PTCHD4: variants seen among roughly 807,000 people sequenced by gnomAD.
PTCHD4 encodes patched domain containing 4, also known as patched domain-containing protein 4.
Under a neutral mutation model 58.1 loss-of-function variants are expected in PTCHD4, and 33 were observed. The observed-to-expected ratio is 0.57, with a 90% confidence interval of 0.43 to 0.76. PTCHD4 has a LOEUF of 0.76. Ranked by LOEUF, PTCHD4 falls within the 30% of genes least tolerant of loss-of-function variation. PTCHD4 has a pLI of 0.00. For synonymous variants in PTCHD4, 478 were observed against 409.6 expected (o/e 1.17, Z -2.02); for missense variants, 1,058 against 1,027.1 (o/e 1.03, Z -0.41).
At chr6:48,076,162 A>T (rs1490302976) in intron 1 of PTCHD4, among the ~76,000 whole-genome samples, 2 of 152,216 alleles carry the variant, frequency 1.3e-5, no homozygotes, top group African/African-American at 4.8e-5. Context: ...TTCTTTGCTC[A>T]TCTATAGGAA....
rs982561495 is a variant in PTCHD4, at chr6:47,876,642, G to A, written c.*1661C>T. Among the ~76,000 whole-genome samples the A allele has an allele frequency of 6.6e-6, 1 of 151,906 alleles. No homozygotes were observed. Among genetic ancestry groups the A allele is most frequent in the African/African-American group, 2.4e-5 (1 of 41,388 alleles). On this transcript the variant is annotated 3_prime_UTR_variant, in exon 5 of 5. Transcript: ENST00000339488. ...TTAAAACATAGAACCAAAGTTGATG[G>A]GAAGTAGTAGCTTTCTTCTAGGTAA...
intron 4 of PTCHD4, among the ~76,000 whole-genome samples, chr6:48,002,766 A>G (rs1278275875): frequency 1.1e-4 from 16 of 151,542 alleles, no homozygotes; most frequent in Admixed American, 9.9e-4. Flanking sequence ...TAATAATAAT[A>G]ATAATAATAA....
intron 3 of PTCHD4, among the ~76,000 whole-genome samples, chr6:48,067,719 C>A (rs1226359594): frequency 6.6e-6 from 1 of 152,278 alleles, no homozygotes; most frequent in Non-Finnish European, 1.5e-5. Flanking sequence ...AGAAATCCCA[C>A]AAATTGTTGA....
chr6:47,929,646 C>G (rs1388476650), intron 4 of PTCHD4, among the ~76,000 whole-genome samples: 1 of 152,220 alleles, frequency 6.6e-6, no homozygotes, highest in East Asian at 1.9e-4. Context: ...CAGAGAGGAA[C>G]TCCAGGCTGC....
intron 4 of PTCHD4, among the ~76,000 whole-genome samples, chr6:47,966,836 T>C (rs1767314261): frequency 6.6e-6 from 1 of 152,220 alleles, no homozygotes; most frequent in Non-Finnish European, 1.5e-5. Context: ...CTTCTAATTC[T>C]AGTTGTCTTG....
Position 48,068,731 on chromosome 6 carries a change from C to T in PTCHD4, c.6-90G>A. On this transcript the variant is annotated intron_variant, in intron 2 of 4. Transcript: ENST00000339488. This position sits in a 1 kb window ranked among gnomAD's most constrained non-coding sequence, Gnocchi z 4.2. ...GGGGCCAGTCCCCCCTCCCCACCGC[C>T]GCCGCCTCCCCACCCACTCCGCGCT... is the stretch of plus-strand genomic sequence containing the variant. The T allele has an allele frequency of 7.7e-7, 1 of 1,302,684 alleles. No individual in the cohort carries two copies. 80.7% of individuals were successfully genotyped at this position (1,302,684 alleles called of 1,614,324 possible). A position where few individuals can be genotyped will look rare whatever the true frequency, so the allele number is the denominator to read the frequency against.
chr6:48,054,185 T>G (rs1381978443), intron 3 of PTCHD4, among the ~76,000 whole-genome samples: 1 of 152,164 alleles, frequency 6.6e-6, no homozygotes, highest in Admixed American at 6.6e-5. Context: ...CTGAAGTGTT[T>G]CTTTGAAGAA....
intron 4 of PTCHD4, among the ~76,000 whole-genome samples, chr6:48,003,805 C>A (rs1016022998): frequency 1.3e-5 from 2 of 152,164 alleles, no homozygotes; most frequent in East Asian, 1.9e-4. Flanking sequence ...AGACTCTGAT[C>A]CAGACATATT....
chr6:48,003,516 C>T (rs1435426665), intron 4 of PTCHD4, among the ~76,000 whole-genome samples: 2 of 152,148 alleles, frequency 1.3e-5, no homozygotes, highest in East Asian at 3.8e-4. Flanking sequence ...CTTTTTATCA[C>T]CATCCCTGCT....
At chr6:48,039,318 T>C (rs1763759286) in intron 3 of PTCHD4, among the ~76,000 whole-genome samples, 1 of 152,140 alleles carries the variant, frequency 6.6e-6, no homozygotes, top group South Asian at 2.1e-4. Flanking sequence ...TCCATTTATA[T>C]AATGTTCAAA....
intron 1 of PTCHD4, among the ~76,000 whole-genome samples, chr6:48,094,216 T>C (rs1765418787): frequency 6.6e-6 from 1 of 151,950 alleles, no homozygotes; most frequent in Non-Finnish European, 1.5e-5. Flanking sequence ...CTCTGAAAAA[T>C]AAAGGCACAA....
intron 4 of PTCHD4, among the ~76,000 whole-genome samples, chr6:47,917,479 C>T (rs924270135): frequency 2.5e-4 from 38 of 152,238 alleles, no homozygotes; most frequent in African/African-American, 7.9e-4. Flanking sequence ...AACACAAGGA[C>T]ACTATAAACC....
intron 1 of PTCHD4, among the ~76,000 whole-genome samples, chr6:48,097,339 C>G (rs915538402): frequency 3.3e-5 from 5 of 152,108 alleles, no homozygotes; most frequent in Non-Finnish European, 7.4e-5. Context: ...TTTTATGTCA[C>G]TTAGTTTAAT....
intron 4 of PTCHD4, among the ~76,000 whole-genome samples, chr6:47,958,176 G>A (rs559586796): frequency 1.3e-5 from 2 of 152,180 alleles, no homozygotes; most frequent in South Asian, 4.2e-4. Flanking sequence ...TAATGTTGAG[G>A]AAATATATGT....
intron 1 of PTCHD4, among the ~76,000 whole-genome samples, chr6:48,097,016 T>C (rs892538272): frequency 1.3e-5 from 2 of 152,194 alleles, no homozygotes; most frequent in African/African-American, 4.8e-5. Flanking sequence ...TAAATCTAGG[T>C]AAACTTATGA....
intron 4 of PTCHD4, among the ~76,000 whole-genome samples, chr6:48,003,925 C>T (rs1768842212): frequency 6.6e-6 from 1 of 152,208 alleles, no homozygotes; most frequent in South Asian, 2.1e-4. Flanking sequence ...GTTTAGCTCT[C>T]TGCTTCAATT....
chr6:47,995,955 T>C (rs1768470439), intron 4 of PTCHD4, among the ~76,000 whole-genome samples: 1 of 152,224 alleles, frequency 6.6e-6, no homozygotes, highest in East Asian at 1.9e-4. Context: ...AATGGCAGTT[T>C]TCAAACTTTT....
chr6:48,100,611 G>A (rs1438309400), intron 1 of PTCHD4, among the ~76,000 whole-genome samples: 3 of 152,148 alleles, frequency 2.0e-5, no homozygotes, highest in African/African-American at 7.2e-5. Context: ...AGTAGGAGCT[G>A]CAAGAATAAG....
chr6:47,942,730 C>A (rs1213921613), intron 4 of PTCHD4, among the ~76,000 whole-genome samples: 1 of 152,188 alleles, frequency 6.6e-6, no homozygotes, highest in Non-Finnish European at 1.5e-5. Flanking sequence ...GCAGACATTG[C>A]TCAGTTTTGC....
Sources: allele counts gnomAD v4.1 joint callset (sites outside exome capture counted in the v4.1 genomes callset), GRCh38; gene constraint gnomAD v4.1.1; non-coding constraint Gnocchi (gnomAD v3.1); transcripts MANE v1.5; gene names NCBI Gene and HGNC (gene_info 2026-07-23, HGNC 2026-07-21).